The following CTNNBIP1 variants were observed in gnomAD, a reference collection of about 807,000 sequenced individuals.
CTNNBIP1 encodes the protein catenin beta interacting protein 1, also known as beta-catenin-interacting protein 1.
CTNNBIP1 carries 7 observed loss-of-function variants against 11.8 expected under a neutral mutation model. That is an observed-to-expected ratio of 0.60 (90% CI 0.34 to 1.12). CTNNBIP1 has a LOEUF of 1.12. Among genes scored for constraint, CTNNBIP1 ranks in the 50% most tolerant of loss-of-function variants. The pLI, the probability that CTNNBIP1 is intolerant of heterozygous loss-of-function variation, is 0.03. For missense variants in CTNNBIP1, 101 were observed against 113.4 expected (o/e 0.89, Z 0.50); for synonymous variants, 58 against 43.9 (o/e 1.32, Z -1.26).
chr1:9,878,989 C>T (rs918819262), intron 2 of CTNNBIP1, among the ~76,000 whole-genome samples: 3 of 152,186 alleles, frequency 2.0e-5, no homozygotes, highest in Non-Finnish European at 4.4e-5. Flanking sequence ...CAAGGTCAGG[C>T]GTTCGAGACC....
At chr1:9,862,476 C>T (rs1638651250) in intron 5 of CTNNBIP1, among the ~76,000 whole-genome samples, 1 of 152,238 alleles carries the variant, frequency 6.6e-6, no homozygotes, top group Non-Finnish European at 1.5e-5. Flanking sequence ...ATCTGGCAGG[C>T]ATTCTGGGGC....
At chr1:9,862,633 C>A (rs1340787191) in intron 5 of CTNNBIP1, among the ~76,000 whole-genome samples, 1 of 152,218 alleles carries the variant, frequency 6.6e-6, no homozygotes, top group Non-Finnish European at 1.5e-5. Context: ...TCTTGCCCAG[C>A]ATTCTGGAGG....
chr1:9,891,758 AAAGT>A (rs1176015198), intron 1 of CTNNBIP1, among the ~76,000 whole-genome samples: 2 of 151,744 alleles, frequency 1.3e-5, no homozygotes, highest in Non-Finnish European at 2.9e-5. Context: ...CCTGGGCAAT[AAAGT>A]AAGACCCCAT....
At chr1:9,907,535 G>C (rs1261543819) in intron 1 of CTNNBIP1, among the ~76,000 whole-genome samples, 4 of 152,126 alleles carry the variant, frequency 2.6e-5, no homozygotes, top group African/African-American at 9.7e-5. Context: ...CATGAGAACA[G>C]GCCCAATTTC....
chr1:9,854,567 G>A (rs1638463478), intron 5 of CTNNBIP1, among the ~76,000 whole-genome samples: 1 of 151,906 alleles, frequency 6.6e-6, no homozygotes, highest in Non-Finnish European at 1.5e-5. Flanking sequence ...GGTTAGGTAA[G>A]TTAAGAAAAA....
chr1:9,853,537 C>T (rs1257393992), intron 5 of CTNNBIP1, among the ~76,000 whole-genome samples: 1 of 152,226 alleles, frequency 6.6e-6, no homozygotes, highest in African/African-American at 2.4e-5. Flanking sequence ...CTTTGAAGAC[C>T]AGCATATGGC....
chr1:9,869,578 G>A (rs1046508898), intron 5 of CTNNBIP1, among the ~76,000 whole-genome samples: 5 of 152,128 alleles, frequency 3.3e-5, no homozygotes, highest in African/African-American at 9.7e-5. Flanking sequence ...ACCTGCCTTG[G>A]CCTCCCAAAA....
rs1164712993 is a variant in CTNNBIP1 at position 9,883,301 on chromosome 1, A to C, written c.-110+404T>G. ...AGATGTGTGGAAGGGCAGGTGGGAC[A>C]CCACAGGCAGGACCTCACGAGGCCC... On this transcript the variant is annotated intron_variant, in intron 2 of 5. Transcript: ENST00000377263. This position sits in a 1 kb window ranked among gnomAD's most constrained non-coding sequence, Gnocchi z 5.6. Among the ~76,000 whole-genome samples the C allele has an allele frequency of 6.6e-6, 1 of 152,200 alleles. No homozygotes were observed. Among genetic ancestry groups the C allele is most frequent in the Non-Finnish European group, 1.5e-5 (1 of 68,036 alleles).
chr1:9,859,787 C>A (rs999122885), intron 5 of CTNNBIP1, among the ~76,000 whole-genome samples: 1 of 152,180 alleles, frequency 6.6e-6, no homozygotes, highest in African/African-American at 2.4e-5. Context: ...GAAATCCTGG[C>A]GGAGCCTAGT....
rs200463997 is a variant in CTNNBIP1 at position 9,902,761 on chromosome 1, C to CT, written c.-144+7333dup. Among the ~76,000 whole-genome samples the CT allele has an allele frequency of 2.7e-3, 401 of 147,274 alleles. 3 individuals carry two copies. The highest frequency in any genetic ancestry group is 8.0e-3 in the African/African-American group (324 of 40,602). ...ACTAAGAGCTTGGTATGGGGAAGAA[C>CT]TTTTTTTTTTTTCTTTTTTTTTGAG... On this transcript the variant is annotated intron_variant, in intron 1 of 5. Coordinates refer to ENST00000377263, the MANE Select transcript of CTNNBIP1 (RefSeq NM_020248.3).
At chr1:9,856,055 C>T (rs753194540) in intron 5 of CTNNBIP1, among the ~76,000 whole-genome samples, 9 of 151,778 alleles carry the variant, frequency 5.9e-5, no homozygotes, top group South Asian at 4.1e-4. Context: ...AGCTGAGGCA[C>T]GAGAATTGTT....
chr1:9,858,390 G>A (rs1027607312), intron 5 of CTNNBIP1, among the ~76,000 whole-genome samples: 3 of 152,074 alleles, frequency 2.0e-5, no homozygotes, highest in Non-Finnish European at 2.9e-5. Flanking sequence ...ACCCACACAC[G>A]CTGGTCTCTG....
Position 9,874,151 on chromosome 1 carries a change from G to A in CTNNBIP1, c.-24-2063C>T, listed in dbSNP as rs569536127. Among the ~76,000 whole-genome samples, 13 of 152,130 alleles carry A rather than the reference G, an allele frequency of 8.5e-5. 1 individual carries two copies. In the South Asian group the frequency reaches 1.5e-3, roughly 17 times the overall value. On this transcript the variant is annotated intron_variant, in intron 3 of 5. Coordinates refer to ENST00000377263, the MANE Select transcript of CTNNBIP1 (RefSeq NM_020248.3). ...CCCTTGCTCTGCCTTCCTGGCACTC[G>A]TCCGTTCTAGAACATGCGGAGAAGC...
chr1:9,866,695 A>T (rs896003901), intron 5 of CTNNBIP1, among the ~76,000 whole-genome samples: 1 of 149,152 alleles, frequency 6.7e-6, no homozygotes, highest in Non-Finnish European at 1.5e-5. Context: ...AAAAAAAAAA[A>T]GTCGAGTAGA....
At chr1:9,884,670 T>C (rs1030366662) in intron 1 of CTNNBIP1, among the ~76,000 whole-genome samples, 9 of 151,948 alleles carry the variant, frequency 5.9e-5, no homozygotes, top group African/African-American at 2.2e-4. Flanking sequence ...CAGCCCCAAA[T>C]GCGTATGTAC....
At chr1:9,899,947 G>A (rs530044046) in intron 1 of CTNNBIP1, among the ~76,000 whole-genome samples, 2 of 151,924 alleles carry the variant, frequency 1.3e-5, no homozygotes, top group African/African-American at 4.8e-5. Flanking sequence ...GGTGGCACAT[G>A]CCTGTAATCC....
chr1:9,881,426 G>A (rs1639080046), intron 2 of CTNNBIP1, among the ~76,000 whole-genome samples: 1 of 132,830 alleles, frequency 7.5e-6, no homozygotes, highest in Non-Finnish European at 1.5e-5. Flanking sequence ...TGCAACCTCC[G>A]CCTCCCAGGT....
At chr1:9,858,893 A>G (rs1638565118) in intron 5 of CTNNBIP1, among the ~76,000 whole-genome samples, 1 of 152,120 alleles carries the variant, frequency 6.6e-6, no homozygotes, top group Non-Finnish European at 1.5e-5. Context: ...CCATGCCTTC[A>G]CCCTAGAAGG....
chr1:9,881,606 T>C (rs1280522058), intron 2 of CTNNBIP1, among the ~76,000 whole-genome samples: 2 of 152,140 alleles, frequency 1.3e-5, no homozygotes, highest in African/African-American at 4.8e-5. Flanking sequence ...CCCAAAGTGC[T>C]GGGATTATAG....
Sources: allele counts gnomAD v4.1 joint callset (sites outside exome capture counted in the v4.1 genomes callset), GRCh38; gene constraint gnomAD v4.1.1; non-coding constraint Gnocchi (gnomAD v3.1); transcripts MANE v1.5; gene names NCBI Gene and HGNC (gene_info 2026-07-23, HGNC 2026-07-21).